The following TRPM1 variants were observed in gnomAD, a reference collection of about 807,000 sequenced individuals.
TRPM1 encodes TRPM1-203 APA Isoform, Intron 10.
A neutral mutation model predicts 149.4 loss-of-function variants in TRPM1; 113 were observed. That is an observed-to-expected ratio of 0.76 (90% CI 0.65 to 0.88). The LOEUF (loss-of-function observed/expected upper bound fraction) is 0.88. TRPM1 is among the 40% of genes least tolerant of loss of function. The pLI is 0.00. For missense variants in TRPM1, 1,976 were observed against 2,038.7 expected, an observed-to-expected ratio of 0.97 and a Z score of 0.59; for synonymous variants, 741 against 759.5, an observed-to-expected ratio of 0.98 and a Z score of 0.40.
At chr15:31,067,765 T>C (rs2034420868) in intron 5 of TRPM1, 114 bp downstream of exon 5, 1 of 1,039,072 alleles carries the variant, frequency 9.6e-7, no homozygotes, top group Non-Finnish European at 1.5e-6. Context: ...TAGTCATAAA[T>C]AGGATCAGGA....
chr15:31,161,061 A>T lies in TRPM1; in HGVS notation c.-102T>A. On this transcript the variant is annotated 5_prime_UTR_variant, in exon 1 of 27. Coordinates refer to the TRPM1 transcript ENST00000542188. ...TGGGTGGGCAGGAGCGGAGCCACAC[A>T]CTCGGCGGCAGCCCCACACTCGGCG... The T allele has an allele frequency of 2.5e-6, 3 of 1,176,606 alleles. No individual in the cohort carries two copies. The South Asian group carries it at 3.9e-5, about 15-fold the overall frequency. 72.9% of individuals were successfully genotyped at this position (1,176,606 alleles called of 1,614,324 possible). A position where few individuals can be genotyped will look rare whatever the true frequency, so the allele number is the denominator to read the frequency against.
intron 1 of TRPM1, among the ~76,000 whole-genome samples, chr15:31,093,283 AAAAG>A (rs1160593238): frequency 1.0e-4 from 15 of 150,550 alleles, no homozygotes; most frequent in African/African-American, 1.7e-4. Flanking sequence ...AAAAAAAAAA[AAAAG>A]ATTAAAAAAG....
At chr15:31,123,390 A>G (rs1231878028) in intron 1 of TRPM1, among the ~76,000 whole-genome samples, 1 of 152,246 alleles carries the variant, frequency 6.6e-6, no homozygotes, top group Non-Finnish European at 1.5e-5. Flanking sequence ...GTACATTTAA[A>G]AAACAGAGAC....
chr15:31,007,389 T>C (rs1427418308), intron 27 of TRPM1, among the ~76,000 whole-genome samples: 24 of 152,224 alleles, frequency 1.6e-4, no homozygotes, highest in Admixed American at 1.6e-3. Flanking sequence ...ACTGTCTTCA[T>C]TACTGTAGCT....
At chr15:31,136,749 C>T (rs867489803) in intron 1 of TRPM1, among the ~76,000 whole-genome samples, 4 of 137,856 alleles carry the variant, frequency 2.9e-5, no homozygotes, top group African/African-American at 8.0e-5. Context: ...CGCCCCCACC[C>T]TTTTTTTTTT....
chr15:31,050,161 G>A (rs976609436), intron 12 of TRPM1, among the ~76,000 whole-genome samples: 2 of 152,266 alleles, frequency 1.3e-5, no homozygotes, highest in Non-Finnish European at 2.9e-5. Flanking sequence ...TGAACAGGAT[G>A]ACTCAGGGCC....
intron 1 of TRPM1, among the ~76,000 whole-genome samples, chr15:31,140,059 A>C (rs987509919): frequency 6.6e-6 from 1 of 152,040 alleles, no homozygotes; most frequent in African/African-American, 2.4e-5. Flanking sequence ...TTGGCCCTCT[A>C]AACCTCATGT....
chr15:31,111,256 G>A (rs1198412738), intron 1 of TRPM1, among the ~76,000 whole-genome samples: 1 of 152,128 alleles, frequency 6.6e-6, no homozygotes, highest in African/African-American at 2.4e-5. Context: ...TCATTAATCC[G>A]CAACTCCACT....
chr15:31,115,144 G>A (rs925706866), intron 1 of TRPM1, among the ~76,000 whole-genome samples: 1 of 152,144 alleles, frequency 6.6e-6, no homozygotes, highest in Non-Finnish European at 1.5e-5. Flanking sequence ...TGTCATCCCA[G>A]CTACTCAGGA....
chr15:31,151,997 G>A (rs1174841597), intron 1 of TRPM1, among the ~76,000 whole-genome samples: 7 of 152,184 alleles, frequency 4.6e-5, no homozygotes, highest in Non-Finnish European at 7.4e-5. Context: ...GGTAGGTGGC[G>A]GTGACTCCAG....
At chr15:31,016,421 T>C (rs1033113495) in intron 27 of TRPM1, among the ~76,000 whole-genome samples, 2 of 152,222 alleles carry the variant, frequency 1.3e-5, no homozygotes, top group South Asian at 2.1e-4. Flanking sequence ...TAATTGAAGT[T>C]TGTGGCTTCT....
chr15:31,150,645 G>A (rs1322656893), intron 1 of TRPM1, among the ~76,000 whole-genome samples: 2 of 151,740 alleles, frequency 1.3e-5, no homozygotes, highest in East Asian at 1.9e-4. Context: ...CATGTTGGCC[G>A]GGCTGGTCTC....
intron 1 of TRPM1, among the ~76,000 whole-genome samples, chr15:31,157,304 A>G (rs1471053542): frequency 6.6e-6 from 1 of 152,128 alleles, no homozygotes; most frequent in East Asian, 1.9e-4. Context: ...GCTGTGTAGT[A>G]TTTCATTATG....
intron 16 of TRPM1, among the ~76,000 whole-genome samples, chr15:31,044,576 T>G (rs2033712081): frequency 6.6e-6 from 1 of 151,670 alleles, no homozygotes; most frequent in Non-Finnish European, 1.5e-5. Flanking sequence ...AGATCAGAAG[T>G]TTGAGACCAG....
chr15:31,152,074 G>A (rs988402129), intron 1 of TRPM1, among the ~76,000 whole-genome samples: 4 of 152,176 alleles, frequency 2.6e-5, no homozygotes, highest in Admixed American at 2.6e-4. Flanking sequence ...GCTGAATGGA[G>A]TACTTACTGG....
intron 27 of TRPM1, among the ~76,000 whole-genome samples, chr15:31,011,994 A>C (rs1244107374): frequency 1.3e-5 from 2 of 152,064 alleles, no homozygotes; most frequent in African/African-American, 4.8e-5. Flanking sequence ...AATATACACA[A>C]AGTTTACTCT....
At chr15:31,069,255 G>T in intron 4 of TRPM1, 1 of 241,862 alleles carries the variant, frequency 4.1e-6, no homozygotes, top group Non-Finnish European at 6.7e-6. Flanking sequence ...GCGATCATGG[G>T]CCCACCCATG....
At chr15:31,074,427 T>C (rs1318489445) in intron 3 of TRPM1, among the ~76,000 whole-genome samples, 1 of 152,150 alleles carries the variant, frequency 6.6e-6, no homozygotes, top group East Asian at 1.9e-4. Context: ...TTTTGGCAGA[T>C]TGTATATTTC....
chr15:31,153,346 A>G (rs962881926), intron 1 of TRPM1, among the ~76,000 whole-genome samples: 1 of 152,090 alleles, frequency 6.6e-6, no homozygotes, highest in African/African-American at 2.4e-5. Context: ...TATTTTTTAG[A>G]TGGAGTCTCA....
Sources: gnomAD v4.1 joint callset for allele counts (sites outside exome capture counted in the v4.1 genomes callset) on GRCh38, gnomAD v4.1.1 for gene constraint, MANE v1.5 for transcripts, NCBI Gene and HGNC (gene_info 2026-07-23, HGNC 2026-07-21) for gene names.